Variants in TK2 observed in about 807,000 individuals in gnomAD.
TK2 encodes thymidine kinase 2.
A neutral mutation model predicts 41.9 loss-of-function variants in TK2; 35 were observed. The observed-to-expected ratio is 0.84, with a 90% CI of 0.64 to 1.11. The LOEUF (loss-of-function observed/expected upper bound fraction) is 1.11. TK2 is among the 50% of genes least tolerant of loss of function. TK2 has a pLI of 0.00. For missense variants in TK2, 320 were observed against 351.1 expected (o/e 0.91, Z 0.71); for synonymous variants, 128 against 129.1 (o/e 0.99, Z 0.06).
At chr16:66,526,743 G>C (rs779271287) in intron 6 of TK2, among the ~76,000 whole-genome samples, 11 of 152,060 alleles carry the variant, frequency 7.2e-5, no homozygotes, top group Non-Finnish European at 5.9e-5. Context: ...CAGAGCACAA[G>C]CCCATCTCAA....
intron 5 of TK2, among the ~76,000 whole-genome samples, chr16:66,529,968 C>T (rs1965058536): frequency 6.6e-6 from 1 of 152,264 alleles, no homozygotes; most frequent in East Asian, 1.9e-4. Flanking sequence ...GGTAGATTTC[C>T]TTAAATAGAG....
In TK2 at chr16:66,512,008, T is replaced by A. The variant is rs1964465153; in HGVS notation, c.758A>T (p.Asp253Val). 1.2e-6 allele frequency: 2 copies of A among 1,614,088 alleles called. No individual in the cohort carries two copies. Among genetic ancestry groups the A allele is most frequent in the African/African-American group, 1.3e-5 (1 of 74,942 alleles). ...CCGATTCTCTGGAGTTAATATTCGA[T>A]CCCGATTTTGTTCAAAGAGTTCTAA... ...RMLELFEQNR[D>V]RILTPENRKH... is the part of the protein sequence containing the mutation. Residue 253 changes from aspartate (D) to valine (V), a missense_variant, in exon 10 of 10, where the codon GAT becomes GTT. By Grantham distance (152) the Asp-to-Val change is radical. Coordinates refer to ENST00000544898, the MANE Select transcript of TK2 (RefSeq NM_004614.5).
chr16:66,527,515 G>A (rs142310069), intron 6 of TK2, among the ~76,000 whole-genome samples: 6 of 152,274 alleles, frequency 3.9e-5, no homozygotes, highest in African/African-American at 9.6e-5. Context: ...AGGTATCAAC[G>A]AGGAGCCTGC....
intron 8 of TK2, 84 bp from the exon 9 acceptor site, chr16:66,513,895 T>C (rs1271165653): frequency 3.3e-6 from 4 of 1,195,784 alleles, no homozygotes; most frequent in East Asian, 2.4e-5. Flanking sequence ...GGGGTCAAAG[T>C]AGTCAATGAC....
intron 2 of TK2, among the ~76,000 whole-genome samples, chr16:66,545,062 CCA>C (rs923595096): frequency 5.4e-5 from 8 of 148,962 alleles, no homozygotes; most frequent in African/African-American, 2.0e-4. Context: ...CCACTGCACT[CCA>C]GTCTGGGTGA....
At chr16:66,527,762 G>C (rs1964978893) in intron 6 of TK2, among the ~76,000 whole-genome samples, 1 of 152,178 alleles carries the variant, frequency 6.6e-6, no homozygotes, top group Admixed American at 6.5e-5. Flanking sequence ...AGGCACAGTG[G>C]CTCACACCTA....
chr16:66,537,102 G>C (rs1965309057), intron 3 of TK2, 85 bp from the exon 4 acceptor site: 2 of 1,573,020 alleles, frequency 1.3e-6, no homozygotes, highest in South Asian at 2.2e-5. Flanking sequence ...AAAGTGAGGA[G>C]AGAAGGGAAA....
At chr16:66,529,194 G>C in intron 5 of TK2, 127 bp from the exon 6 acceptor site, 1 of 892,346 alleles carries the variant, frequency 1.1e-6, no homozygotes, top group South Asian at 1.3e-5. Flanking sequence ...GCGGCAGAGA[G>C]AGTGAAGCAG....
rs1166999268 is a variant in TK2, at chr16:66,510,134, G to A, written c.*1834C>T. Reference sequence around the variant, plus strand: ...AATCAACAACAGGGCTTAGGTGAAGGAGTTATTGGGTATCACAGAGCAAGA... The same window carrying A: ...AATCAACAACAGGGCTTAGGTGAAGAAGTTATTGGGTATCACAGAGCAAGA... On this transcript the variant is annotated 3_prime_UTR_variant, in exon 10 of 10. Coordinates refer to ENST00000544898, the MANE Select transcript of TK2 (RefSeq NM_004614.5). 1 of 150,868 alleles carries A rather than the reference G, an allele frequency of 6.6e-6. No homozygotes were observed. The highest frequency in any genetic ancestry group is 6.6e-5 in the Admixed American group (1 of 15,114). 9.3% of individuals were successfully genotyped at this position (150,868 alleles called of 1,614,324 possible).
chr16:66,549,344 G>C (rs1300577241), intron 1 of TK2: 5 of 1,151,438 alleles, frequency 4.3e-6, no homozygotes, highest in Non-Finnish European at 5.4e-6. Flanking sequence ...CGCGGTGCAC[G>C]GGGAAGAGTG....
chr16:66,549,446 G>A, intron 1 of TK2: 1 of 1,059,128 alleles, frequency 9.4e-7, no homozygotes, highest in Non-Finnish European at 1.1e-6. Flanking sequence ...GTGGTTCTGA[G>A]GCGTCTCTCA....
rs1964533386 is a variant in TK2, at chr16:66,514,102, C to T, written c.619-291G>A. Among the ~76,000 whole-genome samples, 1 of 152,116 alleles carries T rather than the reference C, an allele frequency of 6.6e-6. No homozygotes were observed. The highest frequency in any genetic ancestry group is 6.5e-5 in the Admixed American group (1 of 15,270). ...CCTGGCGCCTGAATCAAAGCCAAGG[C>T]AAAAGGCAGGACCCCCTCCCCCTCC... On this transcript the variant is annotated intron_variant, in intron 8 of 9. Transcript: ENST00000544898. This position sits in a 1 kb window ranked among gnomAD's most constrained non-coding sequence, Gnocchi z 4.2.
Position 66,550,091 on chromosome 16 carries a change from G to A in TK2, c.-30C>T, listed in dbSNP as rs3743715. The stretch of plus-strand genomic sequence containing the variant: ...GGGCGAGCGGATCCAGAGGCCCGGG[G>A]TTCCTTCTTGTGCGAGTCGGCGCGG... On this transcript the variant is annotated 5_prime_UTR_variant, in exon 1 of 10. Transcript: ENST00000544898. 1.1e-5 allele frequency: 17 copies of A among 1,604,782 alleles called. No individual in the cohort carries two copies. The highest frequency in any genetic ancestry group is 1.4e-5 in the Non-Finnish European group (17 of 1,177,062).
intron 9 of TK2, 66 bp from the exon 10 acceptor site, chr16:66,512,132 GAGAC>G: frequency 7.2e-7 from 1 of 1,390,940 alleles, no homozygotes; most frequent in Non-Finnish European, 1.0e-6. Context: ...TTCACAGCTG[GAGAC>G]AGACAGATGG....
At chr16:66,513,992 C>T in intron 8 of TK2, 181 bp from the exon 9 acceptor site, 1 of 680,024 alleles carries the variant, frequency 1.5e-6, no homozygotes, top group East Asian at 2.8e-5. Context: ...CACTCGGTGG[C>T]CAGGCTGAGC....
At chr16:66,548,912 CTT>C (rs1192694839) in intron 2 of TK2, 64 bp downstream of exon 2, 2 of 1,500,388 alleles carry the variant, frequency 1.3e-6, no homozygotes, top group South Asian at 2.3e-5. Flanking sequence ...TTTTACTCTG[CTT>C]TTTTCTCTCT....
At chr16:66,516,224 T>G (rs907722927) in intron 8 of TK2, among the ~76,000 whole-genome samples, 2 of 150,684 alleles carry the variant, frequency 1.3e-5, no homozygotes, top group African/African-American at 2.4e-5. Flanking sequence ...AGGTCAGGGG[T>G]GGCTTCCTGG....
At chr16:66,540,101 G>A (rs1177007425) in intron 3 of TK2, among the ~76,000 whole-genome samples, 1 of 152,090 alleles carries the variant, frequency 6.6e-6, no homozygotes, top group Non-Finnish European at 1.5e-5. Flanking sequence ...GAACACAGCA[G>A]GACAAGGGCT....
chr16:66,520,670 G>A (rs1424623783), intron 6 of TK2, among the ~76,000 whole-genome samples: 1 of 152,182 alleles, frequency 6.6e-6, no homozygotes, highest in Non-Finnish European at 1.5e-5. Context: ...ACTGCATGAG[G>A]ACACGAACAG....
Sources: gnomAD v4.1 joint callset for allele counts (sites outside exome capture counted in the v4.1 genomes callset) on GRCh38, gnomAD v4.1.1 for gene constraint, Gnocchi (gnomAD v3.1) non-coding constraint, MANE v1.5 for transcripts, NCBI Gene and HGNC (gene_info 2026-07-23, HGNC 2026-07-21) for gene names.